Variants in PRKCA observed in about 807,000 individuals in gnomAD.
PRKCA encodes protein kinase C alpha type.
PRKCA carries 27 observed loss-of-function variants against 87.0 expected under a neutral mutation model. The observed-to-expected ratio is 0.31, with a 90% CI of 0.23 to 0.43. The LOEUF (loss-of-function observed/expected upper bound fraction) is 0.43, where lower values mean the gene tolerates loss of function less well. PRKCA is among the 20% of genes least tolerant of loss of function. The pLI, the probability that PRKCA is intolerant of heterozygous loss-of-function variation, is 1.00. For missense variants in PRKCA, 518 were observed against 852.3 expected (o/e 0.61, Z 4.88); for synonymous variants, 329 against 311.1 (o/e 1.06, Z -0.61).
Position 66,667,456 on chromosome 17 carries a change from G to C in PRKCA, c.530-19655G>C, listed in dbSNP as rs190326329. Among the ~76,000 whole-genome samples, 3 of 152,322 alleles carry C rather than the reference G, an allele frequency of 2.0e-5. No homozygotes were observed. In the East Asian group the frequency reaches 5.8e-4, roughly 29 times the overall value. Reference sequence around the variant, plus strand: ...CATGGCGGCAGCAAGGAGAAGTGCAGAGTAAAGCAGGGAAAAGCCCCTTAT... The same window carrying C: ...CATGGCGGCAGCAAGGAGAAGTGCACAGTAAAGCAGGGAAAAGCCCCTTAT... On this transcript the variant is annotated intron_variant, in intron 5 of 16. Transcript: ENST00000413366.
rs572816408 is a variant in PRKCA at position 66,719,266 on chromosome 17, A to G, written c.919-13422A>G. ...AGTAGGATATGATGCAGTCACTCAA[A>G]TCATGTGGCAGAAGAGTGCTTATAA... On this transcript the variant is annotated intron_variant, in intron 8 of 16. Coordinates refer to ENST00000413366, the MANE Select transcript of PRKCA (RefSeq NM_002737.3). 1.1e-4 allele frequency among the ~76,000 whole-genome samples: 16 copies of G among 152,306 alleles called. No individual in the cohort carries two copies. The South Asian group carries it at 3.3e-3, about 32-fold the overall frequency.
intron 2 of PRKCA, among the ~76,000 whole-genome samples, chr17:66,370,606 A>G (rs527996645): frequency 2.5e-5 from 3 of 118,200 alleles, no homozygotes; most frequent in Non-Finnish European, 4.8e-5. Context: ...AGATGCGTGT[A>G]GTGGTGTGAT....
chr17:66,731,775 CTTTTTTTTTTTTTTTTTTT>C (rs796884841), intron 8 of PRKCA, among the ~76,000 whole-genome samples: 13 of 71,432 alleles, frequency 1.8e-4, no homozygotes, highest in African/African-American at 5.9e-4. Context: ...TGCTCCCTTT[CTTTTTTTTTTTTTTTTTTT>C]TTTTTTTTGA....
intron 3 of PRKCA, among the ~76,000 whole-genome samples, chr17:66,583,106 G>A (rs1014495039): frequency 2.0e-5 from 3 of 152,188 alleles, no homozygotes; most frequent in African/African-American, 7.2e-5. Flanking sequence ...AGTCCAGGAA[G>A]CACTATGTAA....
At chr17:66,347,813 T>C (rs147465351) in intron 2 of PRKCA, among the ~76,000 whole-genome samples, 2 of 152,200 alleles carry the variant, frequency 1.3e-5, no homozygotes, top group East Asian at 1.9e-4. Flanking sequence ...AGCAACCATA[T>C]TGTAGTTGTT....
chr17:66,612,726 AG>A (rs1199039102), intron 3 of PRKCA, among the ~76,000 whole-genome samples: 1 of 150,492 alleles, frequency 6.6e-6, no homozygotes, highest in East Asian at 1.9e-4. Context: ...ATTCTGTTGG[AG>A]GTTTTTTTTT....
intron 2 of PRKCA, among the ~76,000 whole-genome samples, chr17:66,401,947 A>C (rs1911061172): frequency 6.6e-6 from 1 of 152,220 alleles, no homozygotes; most frequent in Non-Finnish European, 1.5e-5. Context: ...AGATTCAGAT[A>C]GAGACACACT....
intron 2 of PRKCA, among the ~76,000 whole-genome samples, chr17:66,375,512 G>A (rs1020547508): frequency 1.3e-5 from 2 of 152,164 alleles, no homozygotes; most frequent in Non-Finnish European, 2.9e-5. Context: ...GGTAGCTGGT[G>A]ACTCCTTGGT....
intron 2 of PRKCA, among the ~76,000 whole-genome samples, chr17:66,418,737 GTTTCAGCGTTT>G (rs1355339897): frequency 2.0e-5 from 3 of 150,806 alleles, no homozygotes; most frequent in Non-Finnish European, 4.4e-5. Flanking sequence ...CTCCCAGCCG[GTTTCAGCGTTT>G]TTCTTTGTTT....
intron 3 of PRKCA, among the ~76,000 whole-genome samples, chr17:66,622,094 C>A (rs932604817): frequency 6.6e-6 from 1 of 152,092 alleles, no homozygotes; most frequent in South Asian, 2.1e-4. Flanking sequence ...GAAGCTGAGG[C>A]AGGAGGATTG....
intron 3 of PRKCA, among the ~76,000 whole-genome samples, chr17:66,577,719 C>G (rs2143439662): frequency 6.6e-6 from 1 of 152,112 alleles, no homozygotes; most frequent in Non-Finnish European, 1.5e-5. Flanking sequence ...TTTATTGCGT[C>G]CATGTATTTA....
chr17:66,722,397 A>C (rs1280341161), intron 8 of PRKCA, among the ~76,000 whole-genome samples: 1 of 152,138 alleles, frequency 6.6e-6, no homozygotes, highest in Non-Finnish European at 1.5e-5. Context: ...AATTTGAAAA[A>C]ACCCCTAATA....
chr17:66,377,710 T>TAC, intron 2 of PRKCA, among the ~76,000 whole-genome samples: 2 of 73,368 alleles, frequency 2.7e-5, no homozygotes, highest in Non-Finnish European at 5.3e-5. Flanking sequence ...TTTATATATA[T>TAC]ATATATATAT....
chr17:66,489,236 A>G (rs540152276), intron 2 of PRKCA, among the ~76,000 whole-genome samples: 42 of 151,742 alleles, frequency 2.8e-4, no homozygotes, highest in African/African-American at 9.7e-4. Flanking sequence ...GGGAATTTCT[A>G]TGCCTGTGTT....
At chr17:66,415,623 G>A (rs1033670843) in intron 2 of PRKCA, 10 of 152,240 alleles carry the variant, frequency 6.6e-5, no homozygotes, top group Non-Finnish European at 1.2e-4. Context: ...TCCTTAAATC[G>A]ATGTTAGAGA....
Position 66,368,522 on chromosome 17 carries a change from C to T in PRKCA, c.205+62395C>T, listed in dbSNP as rs1472909720. 2.7e-5 allele frequency among the ~76,000 whole-genome samples: 4 copies of T among 149,514 alleles called. No individual in the cohort carries two copies. In the East Asian group the frequency reaches 8.0e-4, roughly 30 times the overall value. ...CCTCCCACCTCAGCCTCCTGAGTAG[C>T]TGGGACTACAGGCATACACCACCAC... On this transcript the variant is annotated intron_variant, in intron 2 of 16. Transcript: ENST00000413366.
chr17:66,314,218 C>G (rs538554762), intron 2 of PRKCA, among the ~76,000 whole-genome samples: 1 of 152,268 alleles, frequency 6.6e-6, no homozygotes, highest in Admixed American at 6.5e-5. Context: ...TGAAACATTT[C>G]TTGGTGACAT....
intron 3 of PRKCA, among the ~76,000 whole-genome samples, chr17:66,581,376 G>T (rs1969425963): frequency 1.3e-5 from 2 of 152,238 alleles, no homozygotes; most frequent in South Asian, 4.1e-4. Context: ...CAAATAGGAA[G>T]TTCACATAAT....
chr17:66,572,260 A>T (rs1969101661), intron 3 of PRKCA, among the ~76,000 whole-genome samples: 2 of 152,200 alleles, frequency 1.3e-5, no homozygotes, highest in Non-Finnish European at 2.9e-5. Flanking sequence ...TGAGGTCAGG[A>T]GTTCGAGACC....
Sources: allele counts gnomAD v4.1 joint callset (sites outside exome capture counted in the v4.1 genomes callset), GRCh38; gene constraint gnomAD v4.1.1; transcripts MANE v1.5; gene names NCBI Gene and HGNC (gene_info 2026-07-23, HGNC 2026-07-21).